The following BAIAP2 variants were observed in gnomAD, a reference collection of about 807,000 sequenced individuals.
The protein encoded by BAIAP2 is BAR/IMD domain containing adaptor protein 2, also known as BAR/IMD domain-containing adapter protein 2.
In BAIAP2, 18 loss-of-function variants were observed where a neutral mutation model predicts 63.0. The ratio of observed to expected loss-of-function variants is 0.29; its 90% CI spans 0.20 to 0.42. BAIAP2 has a LOEUF of 0.42. BAIAP2 is among the 10% of genes least tolerant of loss of function. The probability of loss-of-function intolerance (pLI) is 1.00; values close to 1 mark genes in which losing one functional copy is unlikely to be tolerated. For missense variants in BAIAP2, 610 were observed against 734.3 expected (o/e 0.83, Z 1.96); for synonymous variants, 386 against 307.6 (o/e 1.25, Z -2.67).
chr17:81,071,181 C>T (rs1224320152), intron 3 of BAIAP2, among the ~76,000 whole-genome samples: 1 of 151,914 alleles, frequency 6.6e-6, no homozygotes, highest in Non-Finnish European at 1.5e-5. Context: ...AACTCTGCTT[C>T]TCCCAAGGAG....
In BAIAP2 at chr17:81,104,111, A is replaced by G; in HGVS notation, c.1066+3A>G. 6.2e-7 allele frequency: 1 copy of G among 1,613,016 alleles called. No homozygotes were observed. Among genetic ancestry groups the G allele is most frequent in the East Asian group, 2.2e-5 (1 of 44,880 alleles). On this transcript the variant is annotated splice_donor_region_variant and intron_variant, in intron 9 of 13. Transcript: ENST00000428708. ...CCCAAAAAACAGCTATGCCACCAGT[A>G]AGGGCTCCGCTGGGGTGTTGGGCTG... is the stretch of plus-strand genomic sequence containing the variant.
At chr17:81,077,410 A>G (rs1400511954) in intron 3 of BAIAP2, among the ~76,000 whole-genome samples, 1 of 152,006 alleles carries the variant, frequency 6.6e-6, no homozygotes, top group Non-Finnish European at 1.5e-5. Flanking sequence ...CCTGCTAAAA[A>G]TACAAAAATT....
intron 6 of BAIAP2, among the ~76,000 whole-genome samples, chr17:81,094,193 C>T (rs951976967): frequency 3.3e-5 from 5 of 152,192 alleles, no homozygotes; most frequent in Non-Finnish European, 7.3e-5. Flanking sequence ...TGCATCTTGC[C>T]AACCCTTTGC....
intron 6 of BAIAP2, among the ~76,000 whole-genome samples, chr17:81,090,685 C>T (rs988298803): frequency 6.6e-6 from 1 of 152,256 alleles, no homozygotes; most frequent in Non-Finnish European, 1.5e-5. Flanking sequence ...CCCAGCCCCA[C>T]ATCGGAGTTT....
At chr17:81,091,886 C>T (rs57515863) in intron 6 of BAIAP2, among the ~76,000 whole-genome samples, 2,159 of 152,346 alleles carry the variant, frequency 0.014, 53 homozygotes, top group African/African-American at 0.048. Flanking sequence ...CACCTGGCAG[C>T]CTAGAGCTGG....
At chr17:81,110,148 C>T (rs777260080) in intron 13 of BAIAP2, 8 of 985,542 alleles carry the variant, frequency 8.1e-6, no homozygotes, top group Admixed American at 6.1e-5. Context: ...GAAGCTGCGG[C>T]GCTCCTTTAT....
At chr17:81,044,749 C>T (rs1033784026) in intron 1 of BAIAP2, among the ~76,000 whole-genome samples, 6 of 152,220 alleles carry the variant, frequency 3.9e-5, no homozygotes, top group Non-Finnish European at 7.3e-5. Context: ...CCCTTCCAAC[C>T]TCAGTCAGAT....
At chr17:81,042,142 CT>C (rs36029761) in intron 1 of BAIAP2, among the ~76,000 whole-genome samples, 1,503 of 109,590 alleles carry the variant, frequency 0.014, 12 homozygotes, top group African/African-American at 0.035. Context: ...TTTCTTTTTT[CT>C]TTTTTTTTTT....
chr17:81,084,298 G>T (rs760298213), intron 3 of BAIAP2, among the ~76,000 whole-genome samples: 1 of 152,152 alleles, frequency 6.6e-6, no homozygotes, highest in Non-Finnish European at 1.5e-5. Flanking sequence ...TTGGGTGAAG[G>T]TCTCAGAGGT....
At position 81,035,282 on chromosome 17, in the gene BAIAP2, C is replaced by T. The variant is rs2143072632; in HGVS notation, c.28C>T (p.His10Tyr). The change falls in exon 1 of 14, where the codon CAC becomes TAC. Residue 10 changes from histidine (H) to tyrosine (Y), a missense_variant. His to Tyr is a moderately conservative substitution (Grantham distance 83). Around this residue, in one of 5 missense-constraint regions of BAIAP2, gnomAD observed 389 missense variants for 455.6 expected, o/e 0.85. Transcript: ENST00000428708. Reference sequence around the variant, plus strand: ...GTCTCTGTCTCGCTCAGAGGAGATGCACCGGCTCACGGAAAATGTCTATAA... The same window carrying T: ...GTCTCTGTCTCGCTCAGAGGAGATGTACCGGCTCACGGAAAATGTCTATAA... MSLSRSEEM[H>Y]RLTENVYKTI... The T allele has an allele frequency of 1.3e-6, 2 of 1,516,260 alleles. No individual in the cohort carries two copies. The highest frequency in any genetic ancestry group is 1.4e-5 in the African/African-American group (1 of 69,426). 93.9% of individuals were successfully genotyped at this position (1,516,260 alleles called of 1,614,324 possible).
chr17:81,067,891 A>G (rs564203244), intron 3 of BAIAP2, among the ~76,000 whole-genome samples: 1 of 152,212 alleles, frequency 6.6e-6, no homozygotes, highest in African/African-American at 2.4e-5. Flanking sequence ...TACTGTCACC[A>G]GTGCTCCCTA....
At chr17:81,112,426 T>C (rs1479987665) in intron 13 of BAIAP2, among the ~76,000 whole-genome samples, 1 of 152,226 alleles carries the variant, frequency 6.6e-6, no homozygotes, top group Non-Finnish European at 1.5e-5. Context: ...CGAAAGCCAC[T>C]TGCAGTTGGC....
At chr17:81,084,996 C>T (rs1487373015) in intron 4 of BAIAP2, 103 bp downstream of exon 4, 3 of 1,219,904 alleles carry the variant, frequency 2.5e-6, no homozygotes, top group East Asian at 2.3e-5. Context: ...TCCCAGTTGT[C>T]CAGCCACACT....
intron 13 of BAIAP2, chr17:81,109,586 C>G: frequency 2.0e-6 from 2 of 985,220 alleles, no homozygotes; most frequent in Non-Finnish European, 2.4e-6. Context: ...AAAGGGGGCT[C>G]GTGCCAAGCT....
At chr17:81,070,555 G>T (rs527946406) in intron 3 of BAIAP2, among the ~76,000 whole-genome samples, 5 of 152,216 alleles carry the variant, frequency 3.3e-5, no homozygotes, top group African/African-American at 1.2e-4. Flanking sequence ...CTGCAGAGGG[G>T]TTCCTAGTGG....
At position 81,056,779 on chromosome 17, in the gene BAIAP2, C is replaced by T. The variant is rs145026514; in HGVS notation, c.131-1102C>T. Among the ~76,000 whole-genome samples the T allele has an allele frequency of 1.3e-3, 201 of 152,312 alleles. 2 individuals carry two copies. Among genetic ancestry groups the T allele is most frequent in the African/African-American group, 4.3e-3 (179 of 41,558 alleles). On this transcript the variant is annotated intron_variant, in intron 2 of 13. Transcript: ENST00000428708. ...CACCGCCACCTTAGCCGCAGCCAGCCGCCCTGGAGTCTCACTTCTGCTGTT... is the reference window on the plus strand; with the variant it reads ...CACCGCCACCTTAGCCGCAGCCAGCTGCCCTGGAGTCTCACTTCTGCTGTT...
rs551077903 is a variant in BAIAP2, at chr17:81,106,142, A to G, written c.1333A>G (p.Met445Val). ...CAGCGATGGCAGTGACAGGCTGCAC[A>G]TGAGGTGAGCTCTGGGCCCAACGGG... is the stretch of plus-strand genomic sequence containing the variant. ...LDSDGSDRLHMSLQQGKSSST... is the reference protein window; with the variant it reads ...LDSDGSDRLHVSLQQGKSSST... The change falls in exon 11 of 14, where the codon ATG becomes GTG. Residue 445 changes from methionine (M) to valine (V), a missense_variant. Met to Val is a conservative substitution (Grantham distance 21). Coordinates refer to ENST00000428708, the MANE Select transcript of BAIAP2 (RefSeq NM_001144888.2). The G allele has an allele frequency of 1.5e-5, 23 of 1,580,092 alleles. No individual in the cohort carries two copies. The highest frequency in any genetic ancestry group is 1.9e-5 in the Non-Finnish European group (22 of 1,162,992).
chr17:81,090,697 A>G (rs917712687), intron 6 of BAIAP2, among the ~76,000 whole-genome samples: 1 of 152,152 alleles, frequency 6.6e-6, no homozygotes, highest in Admixed American at 6.5e-5. Context: ...TCGGAGTTTG[A>G]GGGGGTGGGG....
intron 1 of BAIAP2, among the ~76,000 whole-genome samples, chr17:81,039,109 A>C (rs560121904): frequency 6.6e-6 from 1 of 152,292 alleles, no homozygotes; most frequent in Non-Finnish European, 1.5e-5. Context: ...CCTGGCCTGC[A>C]TTTTCTCTAC....
Sources: gnomAD v4.1 joint callset for allele counts (sites outside exome capture counted in the v4.1 genomes callset) on GRCh38, gnomAD v4.1.1 for gene constraint, gnomAD v4.1.1 regional missense constraint, MANE v1.5 for transcripts, NCBI Gene and HGNC (gene_info 2026-07-23, HGNC 2026-07-21) for gene names.